Variants in AGBL1 observed in about 807,000 individuals in gnomAD.
The protein encoded by AGBL1 is AGBL carboxypeptidase 1.
AGBL1 carries 130 observed loss-of-function variants against 118.9 expected under a neutral mutation model. That is an observed-to-expected ratio of 1.09 (90% confidence interval 0.95 to 1.26). The LOEUF (loss-of-function observed/expected upper bound fraction) is 1.26. Ranked by LOEUF, AGBL1 falls within the 50% of genes most tolerant of loss-of-function variation. The probability of loss-of-function intolerance (pLI) is 0.00; values close to 1 mark genes in which losing one functional copy is unlikely to be tolerated. For missense variants in AGBL1, 1,584 were observed against 1,298.1 expected (o/e 1.22, Z -3.38); for synonymous variants, 555 against 478.9 (o/e 1.16, Z -2.08).
chr15:86,714,486 A>ATG (rs2086607891), intron 22 of AGBL1, among the ~76,000 whole-genome samples: 1 of 152,200 alleles, frequency 6.6e-6, no homozygotes, highest in Non-Finnish European at 1.5e-5. Context: ...TATCAAAGCC[A>ATG]TGTGTGTGTG....
chr15:86,674,703 A>T (rs1052082447), intron 22 of AGBL1, among the ~76,000 whole-genome samples: 1 of 152,256 alleles, frequency 6.6e-6, no homozygotes, highest in East Asian at 1.9e-4. Context: ...GCTTGGTGAC[A>T]CACACACAGG....
intron 22 of AGBL1, among the ~76,000 whole-genome samples, chr15:86,779,540 A>C (rs2078302405): frequency 6.6e-6 from 1 of 152,202 alleles, no homozygotes; most frequent in African/African-American, 2.4e-5. Flanking sequence ...TTTTGATGAA[A>C]ATATGCATCT....
chr15:86,886,103 T>G (rs2079966553), intron 22 of AGBL1, among the ~76,000 whole-genome samples: 1 of 152,232 alleles, frequency 6.6e-6, no homozygotes, highest in South Asian at 2.1e-4. Context: ...TTTGGACTTC[T>G]ATCCATCTGT....
At chr15:86,989,882 G>A (rs2081321638) in intron 24 of AGBL1, among the ~76,000 whole-genome samples, 1 of 152,310 alleles carries the variant, frequency 6.6e-6, no homozygotes, top group African/African-American at 2.4e-5. Context: ...CAAGCGCAAA[G>A]GCCCTGTGGC....
At chr15:86,168,406 GA>G (rs1284150734) in intron 5 of AGBL1, among the ~76,000 whole-genome samples, 17 of 152,124 alleles carry the variant, frequency 1.1e-4, no homozygotes, top group African/African-American at 4.1e-4. Flanking sequence ...TGAAAACAAT[GA>G]GTGATATGTA....
chr15:86,295,182 C>G, intron 16 of AGBL1, 73 bp from the exon 17 acceptor site: 6 of 1,499,640 alleles, frequency 4.0e-6, no homozygotes, highest in Non-Finnish European at 5.5e-6. Context: ...TATATGTAAG[C>G]CGTTGTTGTT....
At chr15:86,550,485 A>C (rs928607138) in intron 20 of AGBL1, among the ~76,000 whole-genome samples, 7 of 152,192 alleles carry the variant, frequency 4.6e-5, no homozygotes, top group Non-Finnish European at 8.8e-5. Flanking sequence ...TTATATTGAC[A>C]TAAGACAAAA....
intron 20 of AGBL1, among the ~76,000 whole-genome samples, chr15:86,549,868 A>G (rs71408858): frequency 1.6e-5 from 1 of 64,204 alleles, no homozygotes; most frequent in African/African-American, 6.0e-5. Context: ...GGGGAGGGGA[A>G]GGGTGGGGAG....
intron 21 of AGBL1, among the ~76,000 whole-genome samples, chr15:86,663,901 T>C (rs781341634): frequency 1.3e-5 from 2 of 152,130 alleles, no homozygotes; most frequent in Non-Finnish European, 2.9e-5. Flanking sequence ...CCTAATGATA[T>C]AGTCTCTGAT....
At position 86,633,801 on chromosome 15, in the gene AGBL1, A is replaced by G. The variant is rs71401907; in HGVS notation, c.2995-40472A>G. Among the ~76,000 whole-genome samples the G allele has an allele frequency of 3.4e-5, 3 of 89,168 alleles. 1 individual carries two copies. The highest frequency in any genetic ancestry group is 5.7e-5 in the African/African-American group (1 of 17,502). 58.5% of individuals were successfully genotyped at this position (89,168 alleles called of 152,430 possible). On this transcript the variant is annotated intron_variant, in intron 21 of 22. Transcript: ENST00000614907. ...ATGTGTGTGTATATATATATAATGT[A>G]TATATATATAATGTATGTATATATA...
chr15:86,314,649 C>A (rs1288129624), intron 17 of AGBL1, among the ~76,000 whole-genome samples: 1 of 152,114 alleles, frequency 6.6e-6, no homozygotes, highest in Non-Finnish European at 1.5e-5. Flanking sequence ...CCAAGAGGAA[C>A]CCTTCACTCA....
chr15:86,090,510 T>C (rs969408319), intron 1 of AGBL1, among the ~76,000 whole-genome samples: 1 of 152,194 alleles, frequency 6.6e-6, no homozygotes, highest in Non-Finnish European at 1.5e-5. Context: ...CAATTTGCTT[T>C]TCCTGCATAC....
rs2086566954 is a variant in AGBL1, at chr15:86,711,939, T to G, written c.3158+37503T>G. 1.3e-5 allele frequency among the ~76,000 whole-genome samples: 2 copies of G among 152,202 alleles called. 1 individual carries two copies. Among genetic ancestry groups the G allele is most frequent in the South Asian group, 4.1e-4 (2 of 4,830 alleles). On this transcript the variant is annotated intron_variant, in intron 22 of 22. Transcript: ENST00000614907. Reference sequence around the variant, plus strand: ...TATGGACAAGACATTTTAGGTGCTTTCATTTGCTCTCTTAACAGCCTTTGC... The same window carrying G: ...TATGGACAAGACATTTTAGGTGCTTGCATTTGCTCTCTTAACAGCCTTTGC...
chr15:86,484,331 A>G (rs1714676463), intron 18 of AGBL1, among the ~76,000 whole-genome samples: 1 of 152,092 alleles, frequency 6.6e-6, no homozygotes, highest in South Asian at 2.1e-4. Context: ...AACTGCACAG[A>G]GGAGGGCAGC....
At chr15:86,196,878 C>CGT (rs2077818307) in intron 5 of AGBL1, among the ~76,000 whole-genome samples, 2 of 100,078 alleles carry the variant, frequency 2.0e-5, no homozygotes, top group African/African-American at 8.9e-5. Context: ...TGCGCGCGCG[C>CGT]GCACACACAC....
intron 24 of AGBL1, among the ~76,000 whole-genome samples, chr15:87,016,790 C>T (rs1364123545): frequency 1.3e-5 from 2 of 152,102 alleles, no homozygotes; most frequent in South Asian, 2.1e-4. Context: ...TGTGTGATTC[C>T]ACCTGGGAAA....
chr15:86,284,177 T>C (rs909708789), intron 16 of AGBL1, among the ~76,000 whole-genome samples: 6 of 122,364 alleles, frequency 4.9e-5, no homozygotes, highest in African/African-American at 1.9e-4. Context: ...CCATAATTCA[T>C]ACTAAAATTA....
chr15:86,917,982 G>A (rs1423477331), downstream of AGBL1, among the ~76,000 whole-genome samples: 1 of 152,130 alleles, frequency 6.6e-6, no homozygotes, highest in African/African-American at 2.4e-5. This position sits in a 1 kb window ranked among gnomAD's most constrained non-coding sequence, Gnocchi z 4.8. Flanking sequence ...CCAAGCAGCT[G>A]GGTTCTCATT....
At chr15:86,088,719 C>G (rs1853231882) in intron 1 of AGBL1, among the ~76,000 whole-genome samples, 1 of 152,154 alleles carries the variant, frequency 6.6e-6, no homozygotes, top group Non-Finnish European at 1.5e-5. Context: ...TATTTCTTTA[C>G]TAAAGAATCT....
Sources: gnomAD v4.1 joint callset for allele counts (sites outside exome capture counted in the v4.1 genomes callset) on GRCh38, gnomAD v4.1.1 for gene constraint, Gnocchi (gnomAD v3.1) non-coding constraint, MANE v1.5 for transcripts, NCBI Gene and HGNC (gene_info 2026-07-23, HGNC 2026-07-21) for gene names.